The following PLBD1 variants were observed in gnomAD, a reference collection of about 807,000 sequenced individuals.
PLBD1 encodes the protein phospholipase B domain containing 1.
Under a neutral mutation model 63.0 loss-of-function variants are expected in PLBD1, and 60 were observed. That is an observed-to-expected ratio of 0.95 (90% CI 0.77 to 1.18). PLBD1 has a LOEUF of 1.18. PLBD1 is among the 50% of genes most tolerant of loss of function. PLBD1 has a pLI of 0.00. For missense variants in PLBD1, 598 were observed against 677.9 expected (o/e 0.88, Z 1.31); for synonymous variants, 262 against 248.0 (o/e 1.06, Z -0.53).
In PLBD1 at chr12:14,546,804, C is replaced by A. The variant is rs151282659; in HGVS notation, c.336-4513G>T. 2.7e-3 allele frequency among the ~76,000 whole-genome samples: 416 copies of A among 152,264 alleles called. 3 individuals are homozygous for A. Among genetic ancestry groups the A allele is most frequent in the Non-Finnish European group, 4.2e-3 (288 of 68,014 alleles). ...ATTGCTGAGGATGTCTACTATATAA[C>A]CATATACAAGACAGATAGAAATACA... On this transcript the variant is annotated intron_variant, in intron 2 of 10. Coordinates refer to ENST00000240617, the MANE Select transcript of PLBD1 (RefSeq NM_024829.6).
At chr12:14,542,365 T>G (rs936740929) in intron 2 of PLBD1, 74 bp from the exon 3 acceptor site, 4 of 1,196,202 alleles carry the variant, frequency 3.3e-6, no homozygotes, top group Non-Finnish European at 4.9e-6. Context: ...AATTATTCAA[T>G]CATTTGGCTA....
At chr12:14,540,091 T>C (rs1945558261) in intron 4 of PLBD1, among the ~76,000 whole-genome samples, 1 of 73,894 alleles carries the variant, frequency 1.4e-5, no homozygotes, top group Non-Finnish European at 2.7e-5. Context: ...AAAAGAGAGT[T>C]ATATAATATA....
intron 6 of PLBD1, among the ~76,000 whole-genome samples, chr12:14,515,917 G>A (rs1025701940): frequency 2.7e-5 from 4 of 146,880 alleles, no homozygotes; most frequent in African/African-American, 7.5e-5. Context: ...AAAATTAGCC[G>A]GGCGTGGTGT....
At chr12:14,512,996 T>C (rs1945310339) in intron 6 of PLBD1, among the ~76,000 whole-genome samples, 1 of 152,184 alleles carries the variant, frequency 6.6e-6, no homozygotes, top group Non-Finnish European at 1.5e-5. Context: ...GTCTGAGGTG[T>C]TTTGTCATAG....
chr12:14,521,047 TC>T (rs1252175046), intron 6 of PLBD1, among the ~76,000 whole-genome samples: 1 of 152,072 alleles, frequency 6.6e-6, no homozygotes. Flanking sequence ...TTTCTCCCCA[TC>T]CTGAGGCTCT....
intron 6 of PLBD1, among the ~76,000 whole-genome samples, chr12:14,516,340 AAAAC>A (rs760023186): frequency 1.8e-4 from 27 of 152,260 alleles, no homozygotes; most frequent in Non-Finnish European, 2.8e-4. Context: ...AACAAAAACA[AAAAC>A]AAACAAACAA....
At chr12:14,550,738 C>A (rs541478906) in intron 2 of PLBD1, among the ~76,000 whole-genome samples, 1 of 151,868 alleles carries the variant, frequency 6.6e-6, no homozygotes, top group Non-Finnish European at 1.5e-5. Flanking sequence ...ATTAGCCAGG[C>A]GTGGTGGCTC....
intron 6 of PLBD1, among the ~76,000 whole-genome samples, chr12:14,527,386 A>T (rs11056011): frequency 6.6e-6 from 1 of 151,976 alleles, no homozygotes. Context: ...ATCTGTTACT[A>T]GTACCATCTT....
chr12:14,566,870 C>G (rs1945790071), intron 1 of PLBD1, among the ~76,000 whole-genome samples: 1 of 151,264 alleles, frequency 6.6e-6, no homozygotes, highest in Non-Finnish European at 1.5e-5. Flanking sequence ...CCGAGGCAGG[C>G]GGATCGCCCG....
At chr12:14,504,097 T>C (rs1308442672) in intron 10 of PLBD1, 143 bp from the exon 11 acceptor site, 1 of 722,132 alleles carries the variant, frequency 1.4e-6, no homozygotes, top group African/African-American at 1.8e-5. Flanking sequence ...TTGCCCAGAC[T>C]GGAGTACAGT....
intron 8 of PLBD1, among the ~76,000 whole-genome samples, chr12:14,509,234 A>C (rs1293355951): frequency 1.3e-5 from 2 of 152,186 alleles, no homozygotes; most frequent in Non-Finnish European, 2.9e-5. Context: ...CAAAGAAAAA[A>C]AAATACAGAC....
At chr12:14,551,164 AC>A (rs1295220274) in intron 2 of PLBD1, among the ~76,000 whole-genome samples, 3 of 152,182 alleles carry the variant, frequency 2.0e-5, no homozygotes, top group Non-Finnish European at 4.4e-5. Flanking sequence ...GGAGTTCGAG[AC>A]CAGCCTGGCC....
chr12:14,546,972 C>G (rs539653478), intron 2 of PLBD1, among the ~76,000 whole-genome samples: 1 of 151,910 alleles, frequency 6.6e-6, no homozygotes, highest in Non-Finnish European at 1.5e-5. Context: ...CTTTTGCCAC[C>G]GAGGTTCAAG....
In PLBD1 at chr12:14,511,694, C is replaced by A. The variant is rs565895881; in HGVS notation, c.862G>T (p.Asp288Tyr). 4 of 1,614,118 alleles carry A rather than the reference C, an allele frequency of 2.5e-6. No homozygotes were observed. The highest frequency in any genetic ancestry group is 3.3e-5 in the Admixed American group (2 of 60,008). ...CCACTGCTAAGAATGTAAAAATCAT[C>A]CAGAGACTCCAAAAACCCTACAGGA... ...SSYPGFLESL[D>Y]DFYILSSGLI... The change falls in exon 7 of 11, where the codon GAT (aspartate) becomes TAT (tyrosine). Residue 288 changes from aspartate to tyrosine, a missense_variant. Asp to Tyr is a radical substitution (Grantham distance 160). Transcript: ENST00000240617.
intron 6 of PLBD1, among the ~76,000 whole-genome samples, chr12:14,528,354 T>G (rs1438429397): frequency 6.6e-6 from 1 of 152,100 alleles, no homozygotes; most frequent in African/African-American, 2.4e-5. Context: ...CTCAATAAAG[T>G]TAAAAAAATT....
In PLBD1 at chr12:14,567,618, GC is replaced by G; in HGVS notation, c.78del (p.Leu27CysfsTer3). ...PPLLLLLLLL[P>X]LLLVTAEPPK... The stretch of plus-strand genomic sequence containing the variant: ...GGCGGCTCCGCGGTGACTAACAACA[GC>G]GGCAGCAGCAGCAGCAGCAGCAGAA... On this transcript the variant is annotated frameshift_variant, in exon 1 of 11. Transcript: ENST00000240617. LOFTEE classifies it high-confidence loss of function. The G allele has an allele frequency of 7.4e-7, 1 of 1,348,124 alleles. No individual in the cohort carries two copies. The highest frequency in any genetic ancestry group is 9.7e-7 in the Non-Finnish European group (1 of 1,026,332). 83.5% of individuals were successfully genotyped at this position (1,348,124 alleles called of 1,614,324 possible). A position where few individuals can be genotyped will look rare whatever the true frequency, so the allele number is the denominator to read the frequency against.
chr12:14,532,238 CA>C (rs1945471310), intron 6 of PLBD1, among the ~76,000 whole-genome samples: 2 of 152,122 alleles, frequency 1.3e-5, no homozygotes, highest in Admixed American at 6.5e-5. Flanking sequence ...CCAACTGCAG[CA>C]AAAGATTTGC....
chr12:14,539,410 A>G (rs1004065990), intron 4 of PLBD1, among the ~76,000 whole-genome samples: 1 of 151,606 alleles, frequency 6.6e-6, no homozygotes, highest in Non-Finnish European at 1.5e-5. Context: ...TTTATCATCT[A>G]TATATAATAT....
At chr12:14,543,356 G>A (rs1164487846) in intron 2 of PLBD1, among the ~76,000 whole-genome samples, 1 of 151,954 alleles carries the variant, frequency 6.6e-6, no homozygotes, top group Non-Finnish European at 1.5e-5. Context: ...ACTACCCATT[G>A]ACATCCTCCA....
Sources: gnomAD v4.1 joint callset for allele counts (sites outside exome capture counted in the v4.1 genomes callset) on GRCh38, gnomAD v4.1.1 for gene constraint, MANE v1.5 for transcripts, NCBI Gene and HGNC (gene_info 2026-07-23, HGNC 2026-07-21) for gene names.